The following SPOCK1 variants were observed in gnomAD, a reference collection of about 807,000 sequenced individuals.
The protein encoded by SPOCK1 is testican-1.
SPOCK1 carries 23 observed loss-of-function variants against 55.3 expected under a neutral mutation model. The ratio of observed to expected loss-of-function variants is 0.42; its 90% CI spans 0.30 to 0.59. SPOCK1 has a LOEUF of 0.59. SPOCK1 is among the 20% of genes least tolerant of loss of function. The pLI is 0.22. For missense variants in SPOCK1, 499 were observed against 552.5 expected (o/e 0.90, Z 0.97); for synonymous variants, 226 against 221.0 (o/e 1.02, Z -0.20).
chr5:137,162,131 C>CTTTTTTTTTTT (rs566233599), intron 3 of SPOCK1, among the ~76,000 whole-genome samples: 2 of 131,814 alleles, frequency 1.5e-5, no homozygotes, highest in African/African-American at 2.8e-5. Flanking sequence ...CTAATGCTTT[C>CTTTTTTTTTTT]TTTTTTTTTT....
At position 137,440,409 on chromosome 5, in the gene SPOCK1, G is replaced by A. The variant is rs142958666; in HGVS notation, c.186+57964C>T. Among the ~76,000 whole-genome samples the A allele has an allele frequency of 8.9e-4, 135 of 152,326 alleles. 1 individual carries two copies. The highest frequency in any genetic ancestry group is 2.9e-3 in the African/African-American group (121 of 41,580). On this transcript the variant is annotated intron_variant, in intron 2 of 10. Transcript: ENST00000394945. ...AGAATGTAATGGTAGGGAAGAGTATGTACAGTTAGCTTTGGAGGGATGTTC... is the reference window on the plus strand; with the variant it reads ...AGAATGTAATGGTAGGGAAGAGTATATACAGTTAGCTTTGGAGGGATGTTC...
intron 2 of SPOCK1, among the ~76,000 whole-genome samples, chr5:137,270,822 G>A (rs1364226425): frequency 6.6e-6 from 1 of 152,122 alleles, no homozygotes; most frequent in Non-Finnish European, 1.5e-5. Flanking sequence ...GGCCAACATG[G>A]TGAAACCATA....
intron 2 of SPOCK1, among the ~76,000 whole-genome samples, chr5:137,344,720 T>C (rs17703605): frequency 0.13 from 19,299 of 152,238 alleles, 1,542 homozygotes; most frequent in East Asian, 0.26. Flanking sequence ...TTAAACAACA[T>C]TGGGCATAAG....
At chr5:137,196,569 C>G (rs1275293536) in intron 3 of SPOCK1, among the ~76,000 whole-genome samples, 1 of 152,254 alleles carries the variant, frequency 6.6e-6, no homozygotes, top group African/African-American at 2.4e-5. Flanking sequence ...TATTCCTTCT[C>G]TGCTTTAACC....
At chr5:137,146,754 T>C (rs1418379082) in intron 3 of SPOCK1, among the ~76,000 whole-genome samples, 2 of 152,212 alleles carry the variant, frequency 1.3e-5, no homozygotes, top group Non-Finnish European at 2.9e-5. Flanking sequence ...CAGAGAAGAA[T>C]GGCAGCTTGG....
At chr5:137,458,641 A>G (rs534825416) in intron 2 of SPOCK1, among the ~76,000 whole-genome samples, 2 of 152,180 alleles carry the variant, frequency 1.3e-5, no homozygotes, top group Admixed American at 6.5e-5. Flanking sequence ...TTTCTCCTAG[A>G]GTAAGGGTTC....
chr5:137,497,915 A>G (rs987586273), intron 2 of SPOCK1, among the ~76,000 whole-genome samples: 4 of 150,498 alleles, frequency 2.7e-5, no homozygotes, highest in African/African-American at 4.9e-5. Flanking sequence ...AGCTTGGACC[A>G]CTCCCAGACC....
At chr5:137,304,083 G>GTT (rs1561498808) in intron 2 of SPOCK1, among the ~76,000 whole-genome samples, 7,467 of 24,536 alleles carry the variant, frequency 0.3, 640 homozygotes, top group African/African-American at 0.5. Flanking sequence ...TTTTTTTTTT[G>GTT]GTTCTGTTAT....
At chr5:137,125,544 G>A (rs1263697179) in intron 4 of SPOCK1, among the ~76,000 whole-genome samples, 1 of 152,140 alleles carries the variant, frequency 6.6e-6, no homozygotes, top group African/African-American at 2.4e-5. Flanking sequence ...AGACCACAGA[G>A]AGCTGGCTAG....
chr5:137,254,398 A>C (rs1756595260), intron 3 of SPOCK1, among the ~76,000 whole-genome samples: 1 of 152,138 alleles, frequency 6.6e-6, no homozygotes, highest in Non-Finnish European at 1.5e-5. Context: ...AACCCTTTCC[A>C]CTGTCAAAAA....
chr5:137,290,116 A>T (rs1475193088), intron 2 of SPOCK1, among the ~76,000 whole-genome samples: 2 of 152,218 alleles, frequency 1.3e-5, no homozygotes, highest in African/African-American at 4.8e-5. Context: ...CCCAATGGAA[A>T]TGAGTACAGG....
At chr5:137,073,053 T>C (rs1208789912) in intron 5 of SPOCK1, among the ~76,000 whole-genome samples, 4 of 152,222 alleles carry the variant, frequency 2.6e-5, no homozygotes, top group African/African-American at 9.6e-5. Context: ...TCAGTGTTCA[T>C]CTGGAAGAAG....
In SPOCK1 at chr5:137,498,881, G is replaced by T. The variant is rs568669279; in HGVS notation, c.-1+298C>A. On this transcript the variant is annotated intron_variant, in intron 1 of 10. Coordinates refer to ENST00000394945, the MANE Select transcript of SPOCK1 (RefSeq NM_004598.4). Reference sequence around the variant, plus strand: ...TGGTACCCCTCCCCAGAAGCGGGGAGCCCGGGTCCGCACGCCGCACTCCCA... The same window carrying T: ...TGGTACCCCTCCCCAGAAGCGGGGATCCCGGGTCCGCACGCCGCACTCCCA... 1.3e-3 allele frequency among the ~76,000 whole-genome samples: 193 copies of T among 145,622 alleles called. 1 individual carries two copies. The Middle Eastern group carries it at 0.017, about 13-fold the overall frequency.
intron 2 of SPOCK1, among the ~76,000 whole-genome samples, chr5:137,469,547 G>A (rs1221814116): frequency 6.6e-6 from 1 of 152,090 alleles, no homozygotes; most frequent in Non-Finnish European, 1.5e-5. Context: ...GAGTTGAAAA[G>A]TTAAATAGGT....
chr5:137,464,313 T>C (rs1160796004), intron 2 of SPOCK1, among the ~76,000 whole-genome samples: 1 of 151,972 alleles, frequency 6.6e-6, no homozygotes, highest in Non-Finnish European at 1.5e-5. Context: ...AATAAATAAA[T>C]AAACAAACAA....
intron 5 of SPOCK1, among the ~76,000 whole-genome samples, chr5:137,075,173 CA>C (rs1752733016): frequency 6.6e-6 from 1 of 152,182 alleles, no homozygotes; most frequent in South Asian, 2.1e-4. Context: ...GCATTCATTG[CA>C]TTATTCTTTA....
chr5:137,498,239 G>T, intron 2 of SPOCK1, 134 bp downstream of exon 2: 1 of 906,276 alleles, frequency 1.1e-6, no homozygotes, highest in Non-Finnish European at 1.5e-6. Context: ...AGCCCCCGCG[G>T]GAGATGCCCA....
At chr5:137,024,313 A>AGG (rs1561583021) in intron 6 of SPOCK1, among the ~76,000 whole-genome samples, 420 of 25,326 alleles carry the variant, frequency 0.017, 5 homozygotes, top group African/African-American at 0.038. Context: ...CACCAGTTTG[A>AGG]AGGGGGGGGG....
At position 137,209,725 on chromosome 5, in the gene SPOCK1, A is replaced by G. The variant is rs143501206; in HGVS notation, c.232+57285T>C. ...TCGCCTAACAATGGCCAGGAAAGTT[A>G]CATTATATTAGAAGGTAGAAAATTG... On this transcript the variant is annotated intron_variant, in intron 3 of 10. Coordinates refer to ENST00000394945, the MANE Select transcript of SPOCK1 (RefSeq NM_004598.4). Among the ~76,000 whole-genome samples the G allele has an allele frequency of 1.0e-3, 152 of 152,360 alleles. 1 individual carries two copies. The highest frequency in any genetic ancestry group is 6.8e-3 in the Middle Eastern group (2 of 294).
Sources: allele counts gnomAD v4.1 joint callset (sites outside exome capture counted in the v4.1 genomes callset), GRCh38; gene constraint gnomAD v4.1.1; transcripts MANE v1.5; gene names NCBI Gene and HGNC (gene_info 2026-07-23, HGNC 2026-07-21).